Variants in ZNF746 observed in about 807,000 individuals in gnomAD.
The protein encoded by ZNF746 is parkin-interacting substrate.
Under a neutral mutation model 41.0 loss-of-function variants are expected in ZNF746, and 13 were observed. The observed-to-expected ratio is 0.32, with a 90% CI of 0.21 to 0.50. ZNF746 has a LOEUF of 0.50. Among genes scored for constraint, ZNF746 ranks in the 20% least tolerant of loss-of-function variants. The pLI is 0.98. For missense variants in ZNF746, 811 were observed against 922.9 expected, an observed-to-expected ratio of 0.88 and a Z score of 1.57; for synonymous variants, 424 against 396.2, an observed-to-expected ratio of 1.07 and a Z score of -0.83.
intron 4 of ZNF746, chr7:149,491,911 C>G: frequency 1.4e-6 from 1 of 701,920 alleles, no homozygotes; most frequent in Non-Finnish European, 2.6e-6. Context: ...CCTTAACTTT[C>G]AAAGGTGCTG....
In ZNF746 at chr7:149,474,192, G is replaced by T. The variant is rs1002371522; in HGVS notation, c.*192C>A. The T allele has an allele frequency of 6.7e-6, 4 of 596,922 alleles. No homozygotes were observed. Among genetic ancestry groups the T allele is most frequent in the Non-Finnish European group, 1.1e-5 (4 of 350,446 alleles). 37.0% of individuals were successfully genotyped at this position (596,922 alleles called of 1,614,324 possible). On this transcript the variant is annotated 3_prime_UTR_variant, in exon 7 of 7. Transcript: ENST00000458143. This position sits in a 1 kb window ranked among gnomAD's most constrained non-coding sequence, Gnocchi z 6.3. ...TTCTACGGCGCTCCCATTTCACAGA[G>T]AATTCTACTTGGTTTAGAGGTGGCA...
At chr7:149,495,345 G>A (rs1006528630) in intron 1 of ZNF746, among the ~76,000 whole-genome samples, 5 of 152,196 alleles carry the variant, frequency 3.3e-5, no homozygotes, top group African/African-American at 9.7e-5. Flanking sequence ...CTGCAGTCTG[G>A]TGAGGAAAGT....
rs1585746940 is a variant in ZNF746, at chr7:149,497,327, G to A, written c.24+186C>T. ...CGCCAGCGCTCGGGTTCGGCTCGGA[G>A]TGGGGGCCCGGCCGACGGGCGCAGT... On this transcript the variant is annotated intron_variant, in intron 1 of 6. Transcript: ENST00000458143. The surrounding 1 kb of genome is among the most constrained non-coding windows in gnomAD (Gnocchi z 4.2). 4 of 984,244 alleles carry A rather than the reference G, an allele frequency of 4.1e-6. No homozygotes were observed. The African/African-American group carries it at 7.0e-5, about 17-fold the overall frequency. 61.0% of individuals were successfully genotyped at this position (984,244 alleles called of 1,614,324 possible).
chr7:149,493,312 C>T (rs1388699782), intron 3 of ZNF746, among the ~76,000 whole-genome samples: 1 of 152,206 alleles, frequency 6.6e-6, no homozygotes, highest in Non-Finnish European at 1.5e-5. Context: ...TGCCACAGAG[C>T]GTGCACGTTA....
rs904459743 is a variant in ZNF746, at chr7:149,487,075, T to C, written c.565+5784A>G. ...GCTACGCCTCCTGCCAGATCAGTGG[T>C]GGCATTAGAGTCTAACAGCAGCGCG... On this transcript the variant is annotated intron_variant, in intron 4 of 6. Transcript: ENST00000458143. Among the ~76,000 whole-genome samples the C allele has an allele frequency of 2.7e-4, 41 of 152,138 alleles. 1 individual carries two copies. The highest frequency in any genetic ancestry group is 2.8e-4 in the Non-Finnish European group (19 of 68,022).
At chr7:149,481,931 C>T (rs1309798917) in intron 4 of ZNF746, among the ~76,000 whole-genome samples, 1 of 151,892 alleles carries the variant, frequency 6.6e-6, no homozygotes, top group Non-Finnish European at 1.5e-5. Flanking sequence ...GAATGTGAAC[C>T]ACATATCTAA....
chr7:149,497,705 C>T lies in ZNF746; in HGVS notation c.-169G>A. On this transcript the variant is annotated 5_prime_UTR_variant, in exon 1 of 7. Transcript: ENST00000458143. This position sits in a 1 kb window ranked among gnomAD's most constrained non-coding sequence, Gnocchi z 4.2. ...CTGCGCCGCGCCGCCCGCAGTCGCGCCGCCTCCGTCAGCGCCCGGCCGGTC... is the reference window on the plus strand; with the variant it reads ...CTGCGCCGCGCCGCCCGCAGTCGCGTCGCCTCCGTCAGCGCCCGGCCGGTC... The T allele has an allele frequency of 2.9e-6, 1 of 347,282 alleles. No homozygotes were observed. The highest frequency in any genetic ancestry group is 4.1e-6 in the Non-Finnish European group (1 of 245,294). 21.5% of individuals were successfully genotyped at this position (347,282 alleles called of 1,614,324 possible).
chr7:149,474,339 G>T lies in ZNF746; in HGVS notation c.*45C>A. Reference sequence around the variant, plus strand: ...CGCCGCCCTGCTGCCTGCACACGGGGCTTTTTACACGTGCGGCCGGCAGGG... The same window carrying T: ...CGCCGCCCTGCTGCCTGCACACGGGTCTTTTTACACGTGCGGCCGGCAGGG... On this transcript the variant is annotated 3_prime_UTR_variant, in exon 7 of 7. Coordinates refer to ENST00000458143, the MANE Select transcript of ZNF746 (RefSeq NM_001394198.1). This position sits in a 1 kb window ranked among gnomAD's most constrained non-coding sequence, Gnocchi z 6.3. The T allele has an allele frequency of 2.6e-6, 4 of 1,563,928 alleles. No individual in the cohort carries two copies. Among genetic ancestry groups the T allele is most frequent in the Non-Finnish European group, 3.5e-6 (4 of 1,154,568 alleles).
rs948764148 is a variant in ZNF746, at chr7:149,497,531, G to A, written c.6C>T (p.Ala2=). ...CCCTTACCGGAGCCGCGACCGCCTC[G>A]GCCATGGCCCTGCGCTGTCCCGCCC... is the stretch of plus-strand genomic sequence containing the variant. M[A]EAVAAPISPW... is the part of the protein sequence containing the mutation. Residue 2 remains alanine (A), a synonymous_variant, in exon 1 of 7, where the codon GCC becomes GCT. Transcript: ENST00000458143. The surrounding 1 kb of genome is among the most constrained non-coding windows in gnomAD (Gnocchi z 4.2). The A allele has an allele frequency of 2.6e-5, 29 of 1,098,616 alleles. No homozygotes were observed. Among genetic ancestry groups the A allele is most frequent in the African/African-American group, 3.4e-5 (2 of 59,160 alleles). The allele number at this position is 1,098,616 out of a possible 1,614,324, so 68.1% of individuals were successfully genotyped here.
chr7:149,479,902 AT>A (rs1440029979), intron 4 of ZNF746, among the ~76,000 whole-genome samples: 1 of 152,188 alleles, frequency 6.6e-6, no homozygotes, highest in Non-Finnish European at 1.5e-5. Context: ...CCTGTTTCAA[AT>A]AAACAAACAA....
At chr7:149,484,099 C>T (rs1048967874) in intron 4 of ZNF746, among the ~76,000 whole-genome samples, 4 of 152,148 alleles carry the variant, frequency 2.6e-5, no homozygotes, top group African/African-American at 9.7e-5. Flanking sequence ...ACTTAAGGCT[C>T]AGGTGGCCCC....
chr7:149,483,025 A>G (rs932506448), intron 4 of ZNF746, among the ~76,000 whole-genome samples: 3 of 152,254 alleles, frequency 2.0e-5, no homozygotes, highest in Non-Finnish European at 4.4e-5. Context: ...AGGAAAAATG[A>G]ACACTTTCTA....
chr7:149,486,949 C>T (rs1800643425), intron 4 of ZNF746, among the ~76,000 whole-genome samples: 1 of 152,152 alleles, frequency 6.6e-6, no homozygotes, highest in Admixed American at 6.5e-5. Flanking sequence ...TCCCCATGCC[C>T]CGGGGAACCT....
intron 6 of ZNF746, 85 bp downstream of exon 6, chr7:149,476,837 T>G: frequency 1.3e-6 from 2 of 1,588,898 alleles, no homozygotes; most frequent in Non-Finnish European, 1.7e-6. Context: ...GTCAGAGCAG[T>G]TCACCAGTGA....
chr7:149,478,324 T>C (rs529716915), intron 4 of ZNF746, among the ~76,000 whole-genome samples: 14 of 152,292 alleles, frequency 9.2e-5, no homozygotes, highest in Middle Eastern at 3.4e-3. Flanking sequence ...CCAGGAGTCA[T>C]AGGCTCTGGC....
At chr7:149,477,307 G>C (rs1014231000) in intron 5 of ZNF746, among the ~76,000 whole-genome samples, 1 of 152,182 alleles carries the variant, frequency 6.6e-6, no homozygotes, top group African/African-American at 2.4e-5. Context: ...CAATGCTGGG[G>C]CAAGAGAAGC....
Position 149,474,245 on chromosome 7 carries a change from T to C in ZNF746, c.*139A>G. The stretch of plus-strand genomic sequence containing the variant: ...TGTCCTGGTGGATAGTTTCTCTTTC[T>C]CCAGTGATCATCAGTTCAGCAACTT... On this transcript the variant is annotated 3_prime_UTR_variant, in exon 7 of 7. Transcript: ENST00000458143. The surrounding 1 kb of genome is among the most constrained non-coding windows in gnomAD (Gnocchi z 6.3). 4.1e-6 allele frequency: 4 copies of C among 969,912 alleles called. No individual in the cohort carries two copies. The South Asian group carries it at 6.6e-5, about 16-fold the overall frequency. The allele number at this position is 969,912 out of a possible 1,614,324, so 60.1% of individuals were successfully genotyped here.
intron 3 of ZNF746, among the ~76,000 whole-genome samples, 154 bp from the exon 4 acceptor site, chr7:149,493,126 T>C (rs185044033): frequency 6.6e-6 from 1 of 152,302 alleles, no homozygotes; most frequent in African/African-American, 2.4e-5. Flanking sequence ...TGGGGGCATC[T>C]GGCAAAGTCT....
rs760329253 is a variant in ZNF746 at position 149,476,968 on chromosome 7, T to A, written c.837A>T (p.Ala279=). The A allele has an allele frequency of 1.2e-6, 2 of 1,613,902 alleles. No homozygotes were observed. ...TDLPPHHPSS[A]CSDGTLKLNT... ...TGAGCTTCAGGGTCCCGTCCGAGCATGCTGAAGAGGGATGGTGGGGAGGGA... is the reference window on the plus strand; with the variant it reads ...TGAGCTTCAGGGTCCCGTCCGAGCAAGCTGAAGAGGGATGGTGGGGAGGGA... Residue 279 remains alanine, a synonymous_variant, in exon 6 of 7, where the codon GCA becomes GCT. Coordinates refer to ENST00000458143, the MANE Select transcript of ZNF746 (RefSeq NM_001394198.1).
Sources: allele counts gnomAD v4.1 joint callset (sites outside exome capture counted in the v4.1 genomes callset), GRCh38; gene constraint gnomAD v4.1.1; non-coding constraint Gnocchi (gnomAD v3.1); transcripts MANE v1.5; gene names NCBI Gene and HGNC (gene_info 2026-07-23, HGNC 2026-07-21).